POC1A: variants seen among roughly 807,000 people sequenced by gnomAD.
POC1A encodes POC1 centriolar protein A.
In POC1A, 34 loss-of-function variants were observed where a neutral mutation model predicts 47.8. That is an observed-to-expected ratio of 0.71 (90% CI 0.54 to 0.95). The LOEUF is 0.95. POC1A is among the 40% of genes least tolerant of loss of function. The pLI is 0.00. For missense variants in POC1A, 466 were observed against 528.3 expected (o/e 0.88, Z 1.16); for synonymous variants, 177 against 207.6 (o/e 0.85, Z 1.27).
chr3:52,100,593 C>G (rs1460406357), intron 9 of POC1A, among the ~76,000 whole-genome samples: 2 of 152,116 alleles, frequency 1.3e-5, no homozygotes, highest in Non-Finnish European at 2.9e-5. Context: ...GGAGAAGAGA[C>G]GCCAAATACC....
rs141193874 is a variant in POC1A, at chr3:52,084,472, C to T, written c.1126-8487G>A. On this transcript the variant is annotated intron_variant, in intron 10 of 10. Transcript: ENST00000296484. This position sits in a 1 kb window ranked among gnomAD's most constrained non-coding sequence, Gnocchi z 4.3. ...CCACCACAGGCAGCAAACAAGGGACCCTAGCTCTTGGGGGCTTCCGAGCAC... is the reference window on the plus strand; with the variant it reads ...CCACCACAGGCAGCAAACAAGGGACTCTAGCTCTTGGGGGCTTCCGAGCAC... Among the ~76,000 whole-genome samples, 43 of 152,322 alleles carry T rather than the reference C, an allele frequency of 2.8e-4. No individual in the cohort carries two copies. In the East Asian group the frequency reaches 4.1e-3, roughly 14 times the overall value.
intron 9 of POC1A, among the ~76,000 whole-genome samples, chr3:52,107,944 C>A (rs555932417): frequency 6.6e-6 from 1 of 152,318 alleles, no homozygotes; most frequent in East Asian, 1.9e-4. Flanking sequence ...CAGAATCCTA[C>A]CGATGCATTT....
At chr3:52,086,837 ATTG>A (rs1702471870) in intron 10 of POC1A, among the ~76,000 whole-genome samples, 1 of 152,214 alleles carries the variant, frequency 6.6e-6, no homozygotes, top group African/African-American at 2.4e-5. Context: ...GAGGACAAAG[ATTG>A]TTCTCTATTC....
chr3:52,106,575 G>T (rs4687609), intron 9 of POC1A, among the ~76,000 whole-genome samples: 15,386 of 152,208 alleles, frequency 0.1, 1,366 homozygotes, highest in East Asian at 0.36. Flanking sequence ...GAAGGATGGG[G>T]AATCTGCATG....
intron 7 of POC1A, among the ~76,000 whole-genome samples, chr3:52,137,322 A>G (rs113238207): frequency 0.017 from 2,535 of 152,094 alleles, 61 homozygotes; most frequent in African/African-American, 0.053. Flanking sequence ...AGCTCAGAAA[A>G]CACCAGGCTA....
chr3:52,141,430 C>T (rs1230515231), intron 6 of POC1A, among the ~76,000 whole-genome samples: 5 of 152,240 alleles, frequency 3.3e-5, no homozygotes, highest in African/African-American at 9.6e-5. Context: ...TGGTCTCTTG[C>T]GATGCGCAAC....
At chr3:52,142,193 T>C (rs1378130331) in intron 6 of POC1A, among the ~76,000 whole-genome samples, 1 of 152,250 alleles carries the variant, frequency 6.6e-6, no homozygotes, top group Non-Finnish European at 1.5e-5. Context: ...ATAATGGACC[T>C]GCACGTGCTG....
chr3:52,125,258 T>C, intron 7 of POC1A, 77 bp from the exon 8 acceptor site: 3 of 1,209,380 alleles, frequency 2.5e-6, no homozygotes, highest in Non-Finnish European at 3.6e-6. Context: ...AACGAGACGT[T>C]CTTGAATGAA....
chr3:52,152,647 A>G (rs1467350930), intron 1 of POC1A, among the ~76,000 whole-genome samples: 2 of 152,208 alleles, frequency 1.3e-5, no homozygotes, highest in Non-Finnish European at 2.9e-5. Flanking sequence ...CAAATGACCC[A>G]GCAATTCTAG....
chr3:52,077,467 C>T (rs1702153203), intron 10 of POC1A, among the ~76,000 whole-genome samples: 1 of 152,242 alleles, frequency 6.6e-6, no homozygotes, highest in African/African-American at 2.4e-5. Context: ...ATGGGCCAAT[C>T]AGGGCTGTGA....
chr3:52,089,276 T>C (rs1702565978), intron 10 of POC1A, among the ~76,000 whole-genome samples: 1 of 151,740 alleles, frequency 6.6e-6, no homozygotes, highest in African/African-American at 2.4e-5. Context: ...ATGCCAAAAA[T>C]AGTAACAGGG....
At chr3:52,139,954 T>C (rs1321210523) in intron 6 of POC1A, among the ~76,000 whole-genome samples, 1 of 152,124 alleles carries the variant, frequency 6.6e-6, no homozygotes, top group Non-Finnish European at 1.5e-5. Context: ...TTTCTTCCCA[T>C]TACCAGAGGC....
In POC1A at chr3:52,075,977, G is replaced by A; in HGVS notation, c.1134C>T (p.Ser378=). The A allele has an allele frequency of 6.2e-7, 1 of 1,613,176 alleles. No individual in the cohort carries two copies. The highest frequency in any genetic ancestry group is 1.7e-4 in the Middle Eastern group (1 of 6,052). The change falls in exon 11 of 11, where the codon TCC becomes TCT. Residue 378 remains serine, a synonymous_variant. Coordinates refer to ENST00000296484, the MANE Select transcript of POC1A (RefSeq NM_015426.5). ...TCAGTGTCAACCGCTGCTCCAGAAT[G>A]GAGACTGTCTGCAAAATAAACAGTG... ...GQLDVLTQTV[S]ILEQRLTLTE...
chr3:52,103,876 C>T (rs930450258), intron 9 of POC1A, among the ~76,000 whole-genome samples: 27 of 152,134 alleles, frequency 1.8e-4, no homozygotes, highest in Admixed American at 1.8e-3. Flanking sequence ...GCAACTTGAA[C>T]TCTCATATAC....
intron 7 of POC1A, among the ~76,000 whole-genome samples, chr3:52,131,718 A>G (rs1704220105): frequency 6.6e-6 from 1 of 152,178 alleles, no homozygotes; most frequent in Non-Finnish European, 1.5e-5. Flanking sequence ...CCAGCCCCCA[A>G]CCAGGGGACA....
intron 9 of POC1A, among the ~76,000 whole-genome samples, chr3:52,101,396 A>T (rs374897656): frequency 0.05 from 1 of 20 alleles, no homozygotes; most frequent in East Asian, 0.5. Context: ...AGGCAGGGAG[A>T]AAAAAAAACC....
chr3:52,105,061 T>C (rs144940504), intron 9 of POC1A, among the ~76,000 whole-genome samples: 4 of 152,320 alleles, frequency 2.6e-5, no homozygotes, highest in African/African-American at 9.6e-5. Flanking sequence ...ACTGAAACTG[T>C]AATAAACAAA....
At chr3:52,109,892 A>G (rs1366743594) in intron 9 of POC1A, among the ~76,000 whole-genome samples, 1 of 152,118 alleles carries the variant, frequency 6.6e-6, no homozygotes, top group African/African-American at 2.4e-5. Flanking sequence ...TAAACCACAA[A>G]GGGTTTTTTT....
chr3:52,133,721 C>CA (rs1448899442), intron 7 of POC1A, among the ~76,000 whole-genome samples: 1 of 152,170 alleles, frequency 6.6e-6, no homozygotes, highest in Non-Finnish European at 1.5e-5. Flanking sequence ...AACAGCACTG[C>CA]ACCCTGACCC....
Sources: gnomAD v4.1 joint callset for allele counts (sites outside exome capture counted in the v4.1 genomes callset) on GRCh38, gnomAD v4.1.1 for gene constraint, Gnocchi (gnomAD v3.1) non-coding constraint, MANE v1.5 for transcripts, NCBI Gene and HGNC (gene_info 2026-07-23, HGNC 2026-07-21) for gene names.